The following TMEM9 variants were observed in gnomAD, a reference collection of about 807,000 sequenced individuals.
The protein encoded by TMEM9 is transmembrane protein 9, also known as proton-transporting V-type ATPase complex assembly regulator TMEM9.
TMEM9 carries 13 observed loss-of-function variants against 22.8 expected under a neutral mutation model. The ratio of observed to expected loss-of-function variants is 0.57; its 90% CI spans 0.37 to 0.91. The LOEUF is 0.91. TMEM9 is among the 40% of genes least tolerant of loss of function. The probability of loss-of-function intolerance (pLI) is 0.01; values close to 1 mark genes in which losing one functional copy is unlikely to be tolerated. For synonymous variants in TMEM9, 88 were observed against 93.0 expected (o/e 0.95, Z 0.31); for missense variants, 182 against 238.1 (o/e 0.76, Z 1.55).
At chr1:201,140,763 T>C (rs1664454378) in intron 4 of TMEM9, among the ~76,000 whole-genome samples, 1 of 152,198 alleles carries the variant, frequency 6.6e-6, no homozygotes, top group Non-Finnish European at 1.5e-5. Flanking sequence ...CATCGAGTTG[T>C]ACAGGCCTAG....
rs540931274 is a variant in TMEM9 at position 201,161,581 on chromosome 1, G to C, written c.-36-7622C>G. Among the ~76,000 whole-genome samples the C allele has an allele frequency of 9.8e-5, 15 of 152,342 alleles. 1 individual carries two copies. The South Asian group carries it at 3.1e-3, about 32-fold the overall frequency. The stretch of plus-strand genomic sequence containing the variant: ...AAATGTGGTTTCTATGAATAAATTA[G>C]TTCGGGGAACCTTAAAGTAAATGAA... On this transcript the variant is annotated intron_variant, in intron 1 of 5. Transcript: ENST00000367333.
intron 1 of TMEM9, among the ~76,000 whole-genome samples, chr1:201,152,771 A>G (rs1291208322): frequency 6.6e-6 from 1 of 152,252 alleles, no homozygotes; most frequent in Non-Finnish European, 1.5e-5. Flanking sequence ...ATGACCACAA[A>G]GATGATGTTA....
At chr1:201,141,445 G>A (rs1214704061) in intron 4 of TMEM9, among the ~76,000 whole-genome samples, 2 of 152,130 alleles carry the variant, frequency 1.3e-5, no homozygotes, top group African/African-American at 2.4e-5. Flanking sequence ...GCCAAAGAAC[G>A]GGACTGGGGG....
At position 201,135,717 on chromosome 1, in the gene TMEM9, C is replaced by G; in HGVS notation, c.498G>C (p.Leu166=). 2.5e-6 allele frequency: 4 copies of G among 1,613,898 alleles called. No individual in the cohort carries two copies. The East Asian group carries it at 8.9e-5, about 36-fold the overall frequency. The change falls in exon 5 of 5, where the codon CTG becomes CTC. Residue 166 remains leucine (L), a synonymous_variant. Coordinates refer to ENST00000367330, the MANE Select transcript of TMEM9 (RefSeq NM_001288565.2). ...CTGTCTTCCGCTGCTCCTGCACCTG[C>G]AGCTTCCACCGCTGCTGGGCACCTT... ...RVEGAQQRWK[L]QVQEQRKTVF... is the part of the protein sequence containing the mutation.
chr1:201,158,328 G>C (rs1665855150), upstream of TMEM9, among the ~76,000 whole-genome samples: 1 of 151,710 alleles, frequency 6.6e-6, no homozygotes, highest in Non-Finnish European at 1.5e-5. Flanking sequence ...CCAGGTTTAT[G>C]GTAATTTGTG....
chr1:201,165,384 A>C (rs1004853675), intron 1 of TMEM9, among the ~76,000 whole-genome samples: 1 of 151,208 alleles, frequency 6.6e-6, no homozygotes, highest in African/African-American at 2.4e-5. Context: ...AAATGCAGAT[A>C]ATGTTTTATG....
chr1:201,139,778 T>C (rs1383918161), intron 4 of TMEM9, among the ~76,000 whole-genome samples: 1 of 152,214 alleles, frequency 6.6e-6, no homozygotes, highest in African/African-American at 2.4e-5. Context: ...ATACACACGA[T>C]CGCAACAGTT....
In TMEM9 at chr1:201,151,404, T is replaced by C. The variant is rs16847887; in HGVS notation, c.158+357A>G. Among the ~76,000 whole-genome samples, 1,430 of 152,334 alleles carry C rather than the reference T, an allele frequency of 9.4e-3. 20 individuals carry two copies. The highest frequency in any genetic ancestry group is 0.033 in the African/African-American group (1,375 of 41,586). The stretch of plus-strand genomic sequence containing the variant: ...TATAAGACTGGCACAGAATAACACA[T>C]GTAACACAGCTTTGCAAAAGCATTA... On this transcript the variant is annotated intron_variant, in intron 2 of 4. Coordinates refer to ENST00000367330, the MANE Select transcript of TMEM9 (RefSeq NM_001288565.2).
At chr1:201,169,057 T>G (rs1407814689) in intron 1 of TMEM9, among the ~76,000 whole-genome samples, 1 of 151,860 alleles carries the variant, frequency 6.6e-6, no homozygotes, top group Non-Finnish European at 1.5e-5. Flanking sequence ...GGGAGGGTTT[T>G]AGAATGCACA....
intron 4 of TMEM9, among the ~76,000 whole-genome samples, chr1:201,141,434 T>A (rs908555545): frequency 2.0e-5 from 3 of 152,120 alleles, no homozygotes; most frequent in African/African-American, 7.2e-5. Flanking sequence ...AGAGAGATGA[T>A]GCCAAAGAAC....
intron 4 of TMEM9, among the ~76,000 whole-genome samples, chr1:201,139,054 G>A (rs923937540): frequency 6.6e-6 from 1 of 152,224 alleles, no homozygotes; most frequent in Admixed American, 6.5e-5. Context: ...GTGTGGATAA[G>A]CCCCAGCTGA....
chr1:201,160,851 G>A (rs1190318410), intron 1 of TMEM9, among the ~76,000 whole-genome samples: 3 of 151,712 alleles, frequency 2.0e-5, no homozygotes, highest in Admixed American at 6.6e-5. Flanking sequence ...CAGGAGAATG[G>A]CGTGAACCCG....
chr1:201,163,673 GCTAA>G (rs1666003551), intron 1 of TMEM9, among the ~76,000 whole-genome samples: 1 of 151,566 alleles, frequency 6.6e-6, no homozygotes, highest in African/African-American at 2.4e-5. Context: ...TATCAGAATG[GCTAA>G]CTATGTATCT....
chr1:201,166,986 C>T (rs1305501837), intron 1 of TMEM9, among the ~76,000 whole-genome samples: 1 of 152,108 alleles, frequency 6.6e-6, no homozygotes, highest in Non-Finnish European at 1.5e-5. Context: ...ACAAAGTGTG[C>T]TATGTGTATG....
intron 1 of TMEM9, among the ~76,000 whole-genome samples, chr1:201,161,584 C>T (rs781712582): frequency 2.0e-5 from 3 of 152,140 alleles, no homozygotes; most frequent in Non-Finnish European, 2.9e-5. Context: ...TAAATTAGTT[C>T]GGGGAACCTT....
upstream of TMEM9, among the ~76,000 whole-genome samples, chr1:201,158,633 C>T (rs544869742): frequency 5.9e-5 from 9 of 152,160 alleles, no homozygotes; most frequent in South Asian, 4.2e-4. Flanking sequence ...GCCCCTGGCT[C>T]GGGGCTCAGT....
At chr1:201,154,749 C>T (rs1360052697), upstream of TMEM9, among the ~76,000 whole-genome samples, 8 of 152,170 alleles carry the variant, frequency 5.3e-5, no homozygotes, top group Non-Finnish European at 1.2e-4. Context: ...TTTCATCTTG[C>T]TGTTTTAGAA....
intron 3 of TMEM9, chr1:201,145,404 G>A (rs964413533): frequency 2.0e-5 from 3 of 152,584 alleles, no homozygotes; most frequent in Admixed American, 2.0e-4. Flanking sequence ...GAAAGGAGTT[G>A]GGTCTGCACA....
chr1:201,141,237 T>A (rs1278447090), intron 4 of TMEM9, among the ~76,000 whole-genome samples: 1 of 152,264 alleles, frequency 6.6e-6, no homozygotes, highest in Non-Finnish European at 1.5e-5. Flanking sequence ...AGCCTTTACG[T>A]TTCCTGCTGC....
Sources: allele counts gnomAD v4.1 joint callset (sites outside exome capture counted in the v4.1 genomes callset), GRCh38; gene constraint gnomAD v4.1.1; transcripts MANE v1.5; gene names NCBI Gene and HGNC (gene_info 2026-07-23, HGNC 2026-07-21).